The following RBM33 variants were observed in gnomAD, a reference collection of about 807,000 sequenced individuals.
RBM33 encodes the protein RNA binding motif protein 33.
A neutral mutation model predicts 132.6 loss-of-function variants in RBM33; 28 were observed. The observed-to-expected ratio is 0.21, with a 90% CI of 0.16 to 0.29. RBM33 has a LOEUF of 0.29. Among genes scored for constraint, RBM33 ranks in the 10% least tolerant of loss-of-function variants. The probability of loss-of-function intolerance (pLI) is 1.00; values close to 1 mark genes in which losing one functional copy is unlikely to be tolerated. For missense variants in RBM33, 1,291 were observed against 1,518.5 expected (o/e 0.85, Z 2.49); for synonymous variants, 634 against 593.0 (o/e 1.07, Z -1.01).
At chr7:155,747,572 T>C (rs1801557759) in intron 14 of RBM33, among the ~76,000 whole-genome samples, 1 of 152,232 alleles carries the variant, frequency 6.6e-6, no homozygotes, top group African/African-American at 2.4e-5. Context: ...ATTTTTACTC[T>C]TTTTCTCCAA....
At chr7:155,704,628 TGAAAGACTGCATTTATTTTAGTTA>T (rs1379341082) in intron 6 of RBM33, among the ~76,000 whole-genome samples, 10 of 152,232 alleles carry the variant, frequency 6.6e-5, no homozygotes, top group Middle Eastern at 3.2e-3. Context: ...AAGCCATAAA[TGAAAGACTGCATTTATTTTAGTTA>T]GAAAGACTGC....
At chr7:155,761,878 T>G (rs1199121338) in intron 14 of RBM33, among the ~76,000 whole-genome samples, 2 of 152,210 alleles carry the variant, frequency 1.3e-5, no homozygotes, top group Non-Finnish European at 2.9e-5. Context: ...AATGACTGAT[T>G]TTAGATGTTT....
Position 155,745,958 on chromosome 7 carries a change from G to A in RBM33, c.2979+356G>A, listed in dbSNP as rs1170075381. Among the ~76,000 whole-genome samples, 1 of 150,978 alleles carries A rather than the reference G, an allele frequency of 6.6e-6. No individual in the cohort carries two copies. The highest frequency in any genetic ancestry group is 1.5e-5 in the Non-Finnish European group (1 of 68,022). On this transcript the variant is annotated intron_variant, in intron 14 of 17. Transcript: ENST00000401878. The surrounding 1 kb of genome is among the most constrained non-coding windows in gnomAD (Gnocchi z 4.1). ...ATACTATAGGCAGTTGTCACACAAT[G>A]ATGAGTAGTTGTGTGTCGAAATGTA... is the stretch of plus-strand genomic sequence containing the variant.
intron 16 of RBM33, among the ~76,000 whole-genome samples, chr7:155,767,947 A>C (rs552027599): frequency 6.6e-6 from 1 of 152,366 alleles, no homozygotes. Context: ...ATTCTGGTCC[A>C]GTAACTGTGT....
chr7:155,652,537 G>A (rs1311152462), intron 1 of RBM33, among the ~76,000 whole-genome samples: 3 of 152,216 alleles, frequency 2.0e-5, no homozygotes, highest in African/African-American at 7.2e-5. Flanking sequence ...TGGAAAAGAA[G>A]AAGAAATAGA....
At position 155,644,923 on chromosome 7, in the gene RBM33, C is replaced by T. The variant is rs758189445; in HGVS notation, c.43+4C>T. The T allele has an allele frequency of 2.7e-6, 4 of 1,496,280 alleles. No homozygotes were observed. Among genetic ancestry groups the T allele is most frequent in the Non-Finnish European group, 3.5e-6 (4 of 1,128,414 alleles). The allele number at this position is 1,496,280 out of a possible 1,614,324, so 92.7% of individuals were successfully genotyped here. A position where few individuals can be genotyped will look rare whatever the true frequency, so the allele number is the denominator to read the frequency against. Reference sequence around the variant, plus strand: ...AGCGGAGGAGCAGGCGCCGGAGGTACGTGAGGCAGCCGGACTCTGGGGGCC... The same window carrying T: ...AGCGGAGGAGCAGGCGCCGGAGGTATGTGAGGCAGCCGGACTCTGGGGGCC... On this transcript the variant is annotated splice_donor_region_variant and intron_variant, in intron 1 of 17. Transcript: ENST00000401878.
chr7:155,657,883 G>T (rs570237118), intron 1 of RBM33, among the ~76,000 whole-genome samples: 1 of 152,212 alleles, frequency 6.6e-6, no homozygotes, highest in South Asian at 2.1e-4. Flanking sequence ...ACTATTTTTT[G>T]GCCTAACGTG....
At chr7:155,666,226 C>A (rs1278619626) in intron 2 of RBM33, among the ~76,000 whole-genome samples, 1 of 152,078 alleles carries the variant, frequency 6.6e-6, no homozygotes, top group African/African-American at 2.4e-5. Context: ...GTTCTGTGAA[C>A]CAGGGGAGCC....
chr7:155,760,261 A>C (rs1472032296), intron 14 of RBM33, among the ~76,000 whole-genome samples: 1 of 152,204 alleles, frequency 6.6e-6, no homozygotes, highest in African/African-American at 2.4e-5. Flanking sequence ...TTGGAGACCT[A>C]GTTGGTTAAG....
intron 14 of RBM33, among the ~76,000 whole-genome samples, chr7:155,759,709 A>G (rs965239708): frequency 4.6e-5 from 7 of 152,202 alleles, no homozygotes; most frequent in Admixed American, 1.3e-4. Context: ...TCAAATTACT[A>G]CAGTGTTATG....
At chr7:155,760,954 C>T (rs749441681) in intron 14 of RBM33, among the ~76,000 whole-genome samples, 9 of 152,236 alleles carry the variant, frequency 5.9e-5, no homozygotes, top group Middle Eastern at 3.4e-3. Flanking sequence ...AAGACAGGAG[C>T]GACTCCCAGT....
chr7:155,713,741 A>G (rs1388086385), intron 8 of RBM33, among the ~76,000 whole-genome samples: 3 of 152,238 alleles, frequency 2.0e-5, no homozygotes, highest in African/African-American at 4.8e-5. Flanking sequence ...ATGGGAGCCA[A>G]GTGGGCTTGA....
rs1291038963 is a variant in RBM33, at chr7:155,779,108, C to G, written c.*4067C>G. ...GGGATTCGTTTTTTTATTACCCTCC[C>G]TCCCTACTTGTAGGCCTCAGCTATG... On this transcript the variant is annotated 3_prime_UTR_variant, in exon 18 of 18. Transcript: ENST00000401878. The G allele has an allele frequency of 6.6e-6, 1 of 152,060 alleles. No homozygotes were observed. Among genetic ancestry groups the G allele is most frequent in the East Asian group, 1.9e-4 (1 of 5,182 alleles). 9.4% of individuals were successfully genotyped at this position (152,060 alleles called of 1,614,324 possible). A position where few individuals can be genotyped will look rare whatever the true frequency, so the allele number is the denominator to read the frequency against.
rs752321080 is a variant in RBM33 at position 155,700,949 on chromosome 7, C to CT, written c.739+11dup. Reference sequence around the variant, plus strand: ...GGAACATTCCAGAAACTTTGGGTAACTTTTTTGCCTGTCTCCCATCCTCCT... The same window carrying CT: ...GGAACATTCCAGAAACTTTGGGTAACTTTTTTTGCCTGTCTCCCATCCTCCT... On this transcript the variant is annotated splice_donor_region_variant and intron_variant, in intron 6 of 17. Coordinates refer to ENST00000401878, the MANE Select transcript of RBM33 (RefSeq NM_053043.3). 1 of 1,606,726 alleles carries CT rather than the reference C, an allele frequency of 6.2e-7. No individual in the cohort carries two copies. Among genetic ancestry groups the CT allele is most frequent in the East Asian group, 2.2e-5 (1 of 44,812 alleles).
At position 155,687,982 on chromosome 7, in the gene RBM33, C is replaced by G. The variant is rs866618808; in HGVS notation, c.567+7074C>G. On this transcript the variant is annotated intron_variant, in intron 5 of 17. Coordinates refer to ENST00000401878, the MANE Select transcript of RBM33 (RefSeq NM_053043.3). ...GGGACCCTTTTTGGTTCCATATGAACTTGAAAGTAGTTTTTTCCAGTTCTG... is the reference window on the plus strand; with the variant it reads ...GGGACCCTTTTTGGTTCCATATGAAGTTGAAAGTAGTTTTTTCCAGTTCTG... Among the ~76,000 whole-genome samples the G allele has an allele frequency of 5.3e-5, 8 of 152,222 alleles. 1 individual carries two copies. The highest frequency in any genetic ancestry group is 6.8e-3 in the Middle Eastern group (2 of 294).
In RBM33 at chr7:155,741,912, C is replaced by T. The variant is rs749310922; in HGVS notation, c.2143C>T (p.Pro715Ser). 1 of 1,614,012 alleles carries T rather than the reference C, an allele frequency of 6.2e-7. No homozygotes were observed. Among genetic ancestry groups the T allele is most frequent in the Non-Finnish European group, 8.5e-7 (1 of 1,179,896 alleles). ...CAATTTGCGTGAATTACCCATAGCGCCGTCACACGTGATAGAAATGAGCAG... is the reference window on the plus strand; with the variant it reads ...CAATTTGCGTGAATTACCCATAGCGTCGTCACACGTGATAGAAATGAGCAG... ...NSNLRELPIA[P>S]SHVIEMSSSR... Residue 715 changes from proline (P) to serine (S), a missense_variant, in exon 13 of 18, where the codon CCG becomes TCG. By Grantham distance (74) the Pro-to-Ser change is moderately conservative (BLOSUM62 -1). Around this residue, in one of 7 missense-constraint regions of RBM33, gnomAD observed 841 missense variants for 912.0 expected, o/e 0.92. Coordinates refer to ENST00000401878, the MANE Select transcript of RBM33 (RefSeq NM_053043.3).
intron 1 of RBM33, among the ~76,000 whole-genome samples, chr7:155,655,371 C>T (rs972637540): frequency 1.3e-5 from 2 of 151,870 alleles, no homozygotes; most frequent in East Asian, 3.9e-4. Flanking sequence ...TTTATTTCTA[C>T]TTTTTCCTAT....
chr7:155,708,786 A>G (rs771023207), intron 7 of RBM33, among the ~76,000 whole-genome samples: 2 of 152,120 alleles, frequency 1.3e-5, no homozygotes, highest in Non-Finnish European at 2.9e-5. Flanking sequence ...CTCCGCTCCA[A>G]CTGCGTTCTG....
chr7:155,695,309 ATC>A (rs1307200108), intron 5 of RBM33, among the ~76,000 whole-genome samples: 1 of 152,210 alleles, frequency 6.6e-6, no homozygotes, highest in African/African-American at 2.4e-5. Flanking sequence ...TACATGTATC[ATC>A]TCTATGGAGA....
Sources: allele counts gnomAD v4.1 joint callset (sites outside exome capture counted in the v4.1 genomes callset), GRCh38; gene constraint gnomAD v4.1.1; regional missense constraint gnomAD v4.1.1; non-coding constraint Gnocchi (gnomAD v3.1); transcripts MANE v1.5; gene names NCBI Gene and HGNC (gene_info 2026-07-23, HGNC 2026-07-21).